Variants in PALB2 observed in about 807,000 individuals in gnomAD.
PALB2 encodes the protein partner and localizer of BRCA2.
A neutral mutation model predicts 107.4 loss-of-function variants in PALB2; 82 were observed. The observed-to-expected ratio is 0.76, with a 90% CI of 0.64 to 0.92. PALB2 has a LOEUF of 0.92. PALB2 is among the 40% of genes least tolerant of loss of function. PALB2 has a pLI of 0.00. For missense variants in PALB2, 1,374 were observed against 1,379.9 expected, an observed-to-expected ratio of 1.00 and a Z score of 0.07; for synonymous variants, 489 against 496.8, an observed-to-expected ratio of 0.98 and a Z score of 0.21.
Position 23,621,440 on chromosome 16 carries a change from G to C in PALB2, c.3035C>G (p.Thr1012Ser), listed in dbSNP as rs761032954. The C allele has an allele frequency of 1.2e-6, 2 of 1,614,078 alleles. No individual in the cohort carries two copies. The highest frequency in any genetic ancestry group is 1.7e-6 in the Non-Finnish European group (2 of 1,179,984). ...ENQFLMPPEE[T>S]ILTFAEVQGM... ...TTGGACCTCAGCAAAAGTTAGTATA[G>C]TCTCCTCAGGGGGCATCAAAAATTG... is the stretch of plus-strand genomic sequence containing the variant. The change falls in exon 10 of 13, where the codon ACT (threonine) becomes AGT (serine). Residue 1012 changes from threonine to serine, a missense_variant. Physicochemically the swap from Thr to Ser is moderately conservative, Grantham distance 58. Transcript: ENST00000261584.
At chr16:23,641,062 G>A (rs1288820511) in intron 1 of PALB2, 48 bp downstream of exon 1, 1 of 1,604,422 alleles carries the variant, frequency 6.2e-7, no homozygotes, top group Non-Finnish European at 8.5e-7. Context: ...AAAACCCTGG[G>A]AAAGCGGGGT....
chr16:23,630,353 T>C lies in PALB2; in HGVS notation c.1801A>G (p.Lys601Glu). The C allele has an allele frequency of 6.2e-7, 1 of 1,614,162 alleles. No homozygotes were observed. The highest frequency in any genetic ancestry group is 8.5e-7 in the Non-Finnish European group (1 of 1,180,020). The change falls in exon 5 of 13, where the codon AAG becomes GAG. Residue 601 changes from lysine (K) to glutamate (E), a missense_variant. Physicochemically the swap from Lys to Glu is moderately conservative, Grantham distance 56. Transcript: ENST00000261584. The stretch of plus-strand genomic sequence containing the variant: ...ATACTGAGAAAAGACAGTAGTTGCT[T>C]TAAACTCAGCATTCCATCCCTATGA... ...PFHRDGMLSL[K>E]QLLSFLSITD... is the part of the protein sequence containing the mutation.
At chr16:23,634,469 G>A (rs1450532166) in intron 4 of PALB2, among the ~76,000 whole-genome samples, 3 of 151,988 alleles carry the variant, frequency 2.0e-5, no homozygotes, top group African/African-American at 7.2e-5. Flanking sequence ...GGGCAACAGG[G>A]CAGGACCTCA....
At chr16:23,633,460 T>C (rs1966909104) in intron 4 of PALB2, among the ~76,000 whole-genome samples, 1 of 152,226 alleles carries the variant, frequency 6.6e-6, no homozygotes, top group Admixed American at 6.5e-5. Context: ...TTCTAGAAAG[T>C]ATGCTGATCC....
rs1555461696 is a variant in PALB2 at position 23,635,910 on chromosome 16, T to C, written c.636A>G (p.Pro212=). 1 of 1,614,094 alleles carries C rather than the reference T, an allele frequency of 6.2e-7. No homozygotes were observed. The highest frequency in any genetic ancestry group is 2.2e-5 in the East Asian group (1 of 44,894). Residue 212 remains proline (P), a synonymous_variant, in exon 4 of 13, where the codon CCA becomes CCG. Coordinates refer to ENST00000261584, the MANE Select transcript of PALB2 (RefSeq NM_024675.4). ...CACTGTCTTCATTAATTTCTGTAAC[T>C]GGTTCTGGAGAATCTGGAAGTTCAG... ...LKSELPDSPE[P]VTEINEDSVL...
At chr16:23,626,104 A>C (rs976684624) in intron 7 of PALB2, 132 bp downstream of exon 7, 26 of 1,055,436 alleles carry the variant, frequency 2.5e-5, no homozygotes, top group Middle Eastern at 5.8e-4. Flanking sequence ...TTTTCATAAT[A>C]AAATGTTGGG....
Position 23,629,930 on chromosome 16 carries a change from A to C in PALB2, c.2224T>G (p.Ser742Ala), listed in dbSNP as rs752682542. 1 of 1,614,140 alleles carries C rather than the reference A, an allele frequency of 6.2e-7. No homozygotes were observed. The highest frequency in any genetic ancestry group is 8.5e-7 in the Non-Finnish European group (1 of 1,180,028). ...ACTTCTGTAGATGCTTTTTCATAGGAGCCTTGAGGGCCAAAGGCTGGAGTA... is the reference window on the plus strand; with the variant it reads ...ACTTCTGTAGATGCTTTTTCATAGGCGCCTTGAGGGCCAAAGGCTGGAGTA... ...GTTPAFGPQG[S>A]YEKASTEVAG... The change falls in exon 5 of 13, where the codon TCC becomes GCC. Residue 742 changes from serine (S) to alanine (A), a missense_variant. Coordinates refer to ENST00000261584, the MANE Select transcript of PALB2 (RefSeq NM_024675.4).
At chr16:23,611,371 C>A (rs1034397020) in intron 11 of PALB2, among the ~76,000 whole-genome samples, 2 of 151,976 alleles carry the variant, frequency 1.3e-5, no homozygotes, top group East Asian at 3.9e-4. Flanking sequence ...GTCTTGAACT[C>A]CTGACCTCAG....
rs2142344557 is a variant in PALB2, at chr16:23,624,086, T to C, written c.2757A>G (p.Val919=). Residue 919 remains valine (V), a synonymous_variant, in exon 8 of 13, where the codon GTA becomes GTG. Transcript: ENST00000261584. The part of the protein sequence containing the change: ...LYTWHFAEVP[V]LQIVPVPDVY... ...CATCAGGCACTGGAACTATCTGTAA[T>C]ACTGGAACCTAAATAAAACAAAGCA... 6.2e-7 allele frequency: 1 copy of C among 1,605,088 alleles called. No individual in the cohort carries two copies.
intron 11 of PALB2, among the ~76,000 whole-genome samples, chr16:23,609,568 C>T (rs1048750948): frequency 1.3e-5 from 2 of 152,042 alleles, no homozygotes; most frequent in African/African-American, 4.8e-5. Flanking sequence ...CCCAGGCTGG[C>T]GTGCAGTGGT....
At chr16:23,637,977 G>A (rs2142458397) in intron 2 of PALB2, 25 bp from the exon 3 acceptor site, 1 of 1,606,588 alleles carries the variant, frequency 6.2e-7, no homozygotes. Context: ...AACAGCCCCA[G>A]AAATACGTTT....
chr16:23,636,404 A>G lies in PALB2; in HGVS notation c.212-70T>C, dbSNP rs515726080. 89 of 1,024,070 alleles carry G rather than the reference A, an allele frequency of 8.7e-5. No homozygotes were observed. Among genetic ancestry groups the G allele is most frequent in the South Asian group, 1.7e-5 (1 of 59,530 alleles). The allele number at this position is 1,024,070 out of a possible 1,614,324, so 63.4% of individuals were successfully genotyped here. On this transcript the variant is annotated intron_variant, in intron 3 of 12. Transcript: ENST00000261584. Reference sequence around the variant, plus strand: ...ATAAAACAAAAAATACTCATTTTTAACCTATTATATATAAATACTACTAAA... The same window carrying G: ...ATAAAACAAAAAATACTCATTTTTAGCCTATTATATATAAATACTACTAAA...
chr16:23,611,568 C>T (rs925465204), intron 11 of PALB2, among the ~76,000 whole-genome samples: 1 of 151,888 alleles, frequency 6.6e-6, no homozygotes, highest in African/African-American at 2.4e-5. Context: ...AAGCAATTCT[C>T]CTGCCTTAGC....
intron 6 of PALB2, among the ~76,000 whole-genome samples, chr16:23,627,493 CAAAAAAAAAAA>C (rs749429582): frequency 3.7e-5 from 2 of 54,716 alleles, no homozygotes; most frequent in Admixed American, 2.0e-4. Flanking sequence ...GACTCCGTCT[CAAAAAAAAAAA>C]AAAAAAAGAA....
chr16:23,627,613 TAAAA>T (rs916193112), intron 6 of PALB2, among the ~76,000 whole-genome samples: 1 of 140,502 alleles, frequency 7.1e-6, no homozygotes. Flanking sequence ...ATAAGAACAA[TAAAA>T]AAAAGTAGGA....
At chr16:23,638,231 T>A in intron 1 of PALB2, 102 bp from the exon 2 acceptor site, 1 of 865,932 alleles carries the variant, frequency 1.2e-6, no homozygotes, top group Admixed American at 1.7e-5. Context: ...AGGCAGGGAG[T>A]AGCACTGGTC....
rs1363384297 is a variant in PALB2 at position 23,630,034 on chromosome 16, G to A, written c.2120C>T (p.Pro707Leu). 1.2e-6 allele frequency: 2 copies of A among 1,614,136 alleles called. No individual in the cohort carries two copies. The highest frequency in any genetic ancestry group is 1.7e-6 in the Non-Finnish European group (2 of 1,180,022). Reference sequence around the variant, plus strand: ...ATCATCAGGCGCAACCGTATTTAAAGGAGTATAAAGTAATATGGATGAAGA... The same window carrying A: ...ATCATCAGGCGCAACCGTATTTAAAAGAGTATAAAGTAATATGGATGAAGA... ...GLSSSILLYT[P>L]LNTVAPDDND... The change falls in exon 5 of 13, where the codon CCT becomes CTT. Residue 707 changes from proline (P) to leucine (L), a missense_variant. By Grantham distance (98) the Pro-to-Leu change is moderately conservative (BLOSUM62 -3). Transcript: ENST00000261584.
At chr16:23,631,308 A>G (rs887274645) in intron 4 of PALB2, among the ~76,000 whole-genome samples, 2 of 142,710 alleles carry the variant, frequency 1.4e-5, no homozygotes, top group Non-Finnish European at 3.1e-5. Context: ...AAAAAAAACT[A>G]AACTAAAAAA....
intron 12 of PALB2, among the ~76,000 whole-genome samples, chr16:23,604,814 C>T (rs1378891456): frequency 6.6e-6 from 1 of 151,862 alleles, no homozygotes; most frequent in Non-Finnish European, 1.5e-5. Flanking sequence ...TGGCTCACGC[C>T]GGTAATCCCA....
Sources: gnomAD v4.1 joint callset for allele counts (sites outside exome capture counted in the v4.1 genomes callset) on GRCh38, gnomAD v4.1.1 for gene constraint, MANE v1.5 for transcripts, NCBI Gene and HGNC (gene_info 2026-07-23, HGNC 2026-07-21) for gene names.